The following NXPH1 variants were observed in gnomAD, a reference collection of about 807,000 sequenced individuals.
The protein encoded by NXPH1 is neurexophilin-1.
A neutral mutation model predicts 23.7 loss-of-function variants in NXPH1; 5 were observed. The observed-to-expected ratio is 0.21, with a 90% CI of 0.11 to 0.44. The LOEUF (loss-of-function observed/expected upper bound fraction) is 0.44, where lower values mean the gene tolerates loss of function less well. NXPH1 is among the 20% of genes least tolerant of loss of function. NXPH1 has a pLI of 0.99. For synonymous variants in NXPH1, 144 were observed against 122.2 expected (o/e 1.18, Z -1.18); for missense variants, 324 against 321.6 (o/e 1.01, Z -0.06).
chr7:8,698,750 T>A (rs1042539353), intron 2 of NXPH1, among the ~76,000 whole-genome samples: 4 of 152,128 alleles, frequency 2.6e-5, no homozygotes, highest in African/African-American at 9.7e-5. Flanking sequence ...GAATCTTAAG[T>A]TTATGGTTAT....
At chr7:8,704,151 G>C (rs77729150) in intron 2 of NXPH1, among the ~76,000 whole-genome samples, 229 of 152,100 alleles carry the variant, frequency 1.5e-3, no homozygotes, top group Non-Finnish European at 2.5e-3. Flanking sequence ...GTTTTAGTTT[G>C]TTTAGTATTT....
chr7:8,556,230 C>G (rs923105291), intron 2 of NXPH1, among the ~76,000 whole-genome samples: 1 of 151,646 alleles, frequency 6.6e-6, no homozygotes, highest in African/African-American at 2.4e-5. Flanking sequence ...AGTGTGTGTT[C>G]TGGGTGTCTA....
intron 2 of NXPH1, among the ~76,000 whole-genome samples, chr7:8,462,090 C>A (rs1489266209): frequency 1.3e-5 from 2 of 151,844 alleles, no homozygotes; most frequent in African/African-American, 2.4e-5. Flanking sequence ...CTCTTGTCAC[C>A]CAGGCTGGAG....
At chr7:8,598,072 G>A (rs568181451) in intron 2 of NXPH1, among the ~76,000 whole-genome samples, 1 of 152,244 alleles carries the variant, frequency 6.6e-6, no homozygotes, top group South Asian at 2.1e-4. Context: ...CCTTGATGGA[G>A]TTAAAGGCAT....
chr7:8,576,671 C>G (rs774918627), intron 2 of NXPH1, among the ~76,000 whole-genome samples: 5 of 151,470 alleles, frequency 3.3e-5, no homozygotes, highest in East Asian at 1.9e-4. Context: ...GTGGAACAGA[C>G]AGTAGAAAAA....
At chr7:8,568,009 C>G (rs1028672939) in intron 2 of NXPH1, among the ~76,000 whole-genome samples, 1 of 151,862 alleles carries the variant, frequency 6.6e-6, no homozygotes. Flanking sequence ...TGAAAATAAG[C>G]TTGCTGAATT....
chr7:8,740,808 A>T (rs528106460), intron 2 of NXPH1, among the ~76,000 whole-genome samples: 1 of 151,822 alleles, frequency 6.6e-6, no homozygotes, highest in Non-Finnish European at 1.5e-5. Flanking sequence ...TTATAATGTG[A>T]TGTTTTGATT....
chr7:8,652,264 A>G (rs1166516696), intron 2 of NXPH1, among the ~76,000 whole-genome samples: 3 of 152,164 alleles, frequency 2.0e-5, no homozygotes, highest in African/African-American at 4.8e-5. Flanking sequence ...AGAAATAACC[A>G]ATGCTACATT....
chr7:8,740,951 A>C (rs975213426), intron 2 of NXPH1, among the ~76,000 whole-genome samples: 1 of 152,156 alleles, frequency 6.6e-6, no homozygotes, highest in Non-Finnish European at 1.5e-5. Context: ...AGTATAGAAT[A>C]CATTGTTAAT....
intron 2 of NXPH1, among the ~76,000 whole-genome samples, chr7:8,662,781 A>T (rs1359583352): frequency 6.6e-6 from 1 of 152,040 alleles, no homozygotes; most frequent in Non-Finnish European, 1.5e-5. Flanking sequence ...TGTTGCAGTG[A>T]TATCAAAAAG....
chr7:8,576,075 A>G (rs925278545), intron 2 of NXPH1, among the ~76,000 whole-genome samples: 27 of 152,148 alleles, frequency 1.8e-4, no homozygotes, highest in Admixed American at 1.4e-3. Context: ...ATCTCTTTTT[A>G]TTCTAGCCAC....
At chr7:8,599,449 C>T (rs1420557273) in intron 2 of NXPH1, among the ~76,000 whole-genome samples, 2 of 152,116 alleles carry the variant, frequency 1.3e-5, no homozygotes, top group Non-Finnish European at 2.9e-5. Context: ...GTCTTCCCCA[C>T]TTAGTAAGTA....
intron 2 of NXPH1, among the ~76,000 whole-genome samples, chr7:8,448,185 G>A (rs1584160864): frequency 6.6e-6 from 1 of 152,294 alleles, no homozygotes; most frequent in East Asian, 1.9e-4. Flanking sequence ...TTGAAAAATG[G>A]GGCTGACAAT....
chr7:8,514,957 C>G (rs958128832), intron 2 of NXPH1, among the ~76,000 whole-genome samples: 1 of 152,098 alleles, frequency 6.6e-6, no homozygotes, highest in Non-Finnish European at 1.5e-5. Context: ...TTCTGTCCCA[C>G]ACAGAGGCAG....
Position 8,751,762 on chromosome 7 carries a change from C to G in NXPH1, c.809C>G (p.Ser270Trp), listed in dbSNP as rs750253607. 6.2e-7 allele frequency: 1 copy of G among 1,607,434 alleles called. No individual in the cohort carries two copies. The highest frequency in any genetic ancestry group is 8.5e-7 in the Non-Finnish European group (1 of 1,176,734). The change falls in exon 3 of 3, where the codon TCG becomes TGG. Residue 270 changes from serine to tryptophan, a missense_variant. Ser to Trp is a radical substitution (Grantham distance 177, BLOSUM62 -3). Transcript: ENST00000405863. This position sits in a 1 kb window ranked among gnomAD's most constrained non-coding sequence, Gnocchi z 4.5. ...CACAGTGACACACCTTACTTTCCCT[C>G]GGGATGAAGGTGAACATGGGGGTGA... is the stretch of plus-strand genomic sequence containing the variant. ...NYHSDTPYFP[S>W]G
chr7:8,742,285 T>C (rs922099179), intron 2 of NXPH1, among the ~76,000 whole-genome samples: 6 of 151,938 alleles, frequency 3.9e-5, no homozygotes, highest in East Asian at 1.9e-4. Flanking sequence ...GAAAATTCAA[T>C]GAGAGAGGGG....
intron 2 of NXPH1, among the ~76,000 whole-genome samples, chr7:8,693,574 C>T (rs1821255550): frequency 6.6e-6 from 1 of 152,276 alleles, no homozygotes; most frequent in Admixed American, 6.5e-5. Flanking sequence ...ATATCTATGT[C>T]ACAAGATTGT....
chr7:8,679,848 C>CT (rs1821024454), intron 2 of NXPH1, among the ~76,000 whole-genome samples: 1 of 152,238 alleles, frequency 6.6e-6, no homozygotes, highest in African/African-American at 2.4e-5. Context: ...TGGTGAAACT[C>CT]TGTCTCTACT....
At chr7:8,485,392 T>A (rs2128610408) in intron 2 of NXPH1, among the ~76,000 whole-genome samples, 1 of 152,224 alleles carries the variant, frequency 6.6e-6, no homozygotes, top group East Asian at 1.9e-4. Context: ...GAGAACAGAC[T>A]AATACACCAA....
Sources: allele counts gnomAD v4.1 joint callset (sites outside exome capture counted in the v4.1 genomes callset), GRCh38; gene constraint gnomAD v4.1.1; non-coding constraint Gnocchi (gnomAD v3.1); transcripts MANE v1.5; gene names NCBI Gene and HGNC (gene_info 2026-07-23, HGNC 2026-07-21).